KIRREL3: variants seen among roughly 807,000 people sequenced by gnomAD.
The protein encoded by KIRREL3 is kin of IRRE-like protein 3.
Under a neutral mutation model 89.7 loss-of-function variants are expected in KIRREL3, and 36 were observed. That is an observed-to-expected ratio of 0.40 (90% CI 0.31 to 0.53). KIRREL3 has a LOEUF of 0.53. KIRREL3 is among the 20% of genes least tolerant of loss of function. The pLI is 0.49. For missense variants in KIRREL3, 864 were observed against 1,056.6 expected (o/e 0.82, Z 2.53); for synonymous variants, 445 against 441.4 (o/e 1.01, Z -0.10).
intron 7 of KIRREL3, among the ~76,000 whole-genome samples, chr11:126,450,991 A>T (rs964896762): frequency 3.2e-5 from 4 of 124,938 alleles, no homozygotes; most frequent in African/African-American, 1.3e-4. Context: ...GCATGTGTCA[A>T]TGTGCATGTG....
intron 1 of KIRREL3, among the ~76,000 whole-genome samples, chr11:126,933,779 G>GAAAA (rs35968116): frequency 6.8e-6 from 1 of 146,962 alleles, no homozygotes. Context: ...CACCAAAAAG[G>GAAAA]AAAAAAAAAA....
chr11:126,720,640 G>A (rs921786951), intron 1 of KIRREL3, among the ~76,000 whole-genome samples: 5 of 152,230 alleles, frequency 3.3e-5, no homozygotes, highest in African/African-American at 1.2e-4. Flanking sequence ...CCCAAACACA[G>A]ACACTCTTGA....
chr11:126,737,608 A>G (rs1592051471), intron 1 of KIRREL3, among the ~76,000 whole-genome samples: 1 of 151,998 alleles, frequency 6.6e-6, no homozygotes, highest in Admixed American at 6.5e-5. Context: ...AAAGTGAGAG[A>G]CTCTCGAGAC....
At chr11:126,470,403 T>G (rs1956852911) in intron 5 of KIRREL3, among the ~76,000 whole-genome samples, 1 of 152,130 alleles carries the variant, frequency 6.6e-6, no homozygotes, top group Non-Finnish European at 1.5e-5. Flanking sequence ...CAGCCATCCC[T>G]CCCTCCCCCT....
At chr11:126,679,610 T>C (rs763460826) in intron 1 of KIRREL3, among the ~76,000 whole-genome samples, 43 of 152,328 alleles carry the variant, frequency 2.8e-4, no homozygotes, top group Admixed American at 9.8e-4. Flanking sequence ...ATTGTGACTT[T>C]GTAGACAGTT....
At chr11:126,869,503 T>C (rs1945036377) in intron 1 of KIRREL3, among the ~76,000 whole-genome samples, 1 of 152,302 alleles carries the variant, frequency 6.6e-6, no homozygotes, top group Non-Finnish European at 1.5e-5. Flanking sequence ...TCTTTAATAA[T>C]TGAAGAGATA....
In KIRREL3 at chr11:126,924,972, T is replaced by C. The variant is rs1238025722; in HGVS notation, c.55+75483A>G. ...TGCAGTGGAGGAGGTTGGGATAAAATTGAAAAAAAAAAAAAACAGTCCTAG... is the reference window on the plus strand; with the variant it reads ...TGCAGTGGAGGAGGTTGGGATAAAACTGAAAAAAAAAAAAAACAGTCCTAG... On this transcript the variant is annotated intron_variant, in intron 1 of 16. Transcript: ENST00000525144. The surrounding 1 kb of genome is among the most constrained non-coding windows in gnomAD (Gnocchi z 4.7). 4.5e-5 allele frequency among the ~76,000 whole-genome samples: 2 copies of C among 44,156 alleles called. No homozygotes were observed. Among genetic ancestry groups the C allele is most frequent in the African/African-American group, 2.0e-4 (1 of 5,036 alleles). 29.0% of individuals were successfully genotyped at this position (44,156 alleles called of 152,430 possible).
At chr11:126,456,057 T>TTTTTTTTTTTTTTTTTTTTC (rs147218473) in intron 7 of KIRREL3, among the ~76,000 whole-genome samples, 1 of 109,744 alleles carries the variant, frequency 9.1e-6, no homozygotes, top group African/African-American at 3.6e-5. Flanking sequence ...TTTTTTTTTT[T>TTTTTTTTTTTTTTTTTTTTC]CCTGAGCCTT....
chr11:126,921,205 C>T (rs566112032), intron 1 of KIRREL3, among the ~76,000 whole-genome samples: 1 of 152,164 alleles, frequency 6.6e-6, no homozygotes, highest in Non-Finnish European at 1.5e-5. Context: ...ACCAGGGGCT[C>T]CCCCAGATCT....
chr11:126,649,453 T>C (rs1304032718), intron 1 of KIRREL3, among the ~76,000 whole-genome samples: 17 of 152,168 alleles, frequency 1.1e-4, no homozygotes, highest in Admixed American at 1.1e-3. Context: ...ACTCCCTAGA[T>C]AAAATGAGGG....
In KIRREL3 at chr11:126,614,383, G is replaced by A. The variant is rs545465584; in HGVS notation, c.56-51471C>T. Among the ~76,000 whole-genome samples the A allele has an allele frequency of 1.2e-3, 181 of 152,160 alleles. 5 individuals are homozygous for A. The South Asian group carries it at 0.034, about 29-fold the overall frequency. ...TGGACAACTCACTTCCATTCTTTGC[G>A]CTGTTTTCTCAAGTGCAAAAGGAAA... On this transcript the variant is annotated intron_variant, in intron 1 of 16. Transcript: ENST00000525144. The surrounding 1 kb of genome is among the most constrained non-coding windows in gnomAD (Gnocchi z 4.6).
At chr11:126,465,770 G>A (rs1027163760) in intron 5 of KIRREL3, among the ~76,000 whole-genome samples, 1 of 152,180 alleles carries the variant, frequency 6.6e-6, no homozygotes, top group African/African-American at 2.4e-5. Context: ...GAGGAGTGAA[G>A]TTGAACCCCA....
In KIRREL3 at chr11:126,738,411, G is replaced by C. The variant is rs149209354; in HGVS notation, c.56-175499C>G. On this transcript the variant is annotated intron_variant, in intron 1 of 16. Coordinates refer to ENST00000525144, the MANE Select transcript of KIRREL3 (RefSeq NM_032531.4). ...GGGTTTCACAGAAGGTCCCAGGCTG[G>C]CCTCACCTGATATGCTCTGTGTGGA... Among the ~76,000 whole-genome samples the C allele has an allele frequency of 2.0e-5, 3 of 152,202 alleles. No individual in the cohort carries two copies. In the East Asian group the frequency reaches 5.8e-4, roughly 29 times the overall value.
Position 126,719,673 on chromosome 11 carries a change from C to T in KIRREL3, c.56-156761G>A, listed in dbSNP as rs138559608. Reference sequence around the variant, plus strand: ...CAATGGCAACTTATCCTTCCTTTTGCGACTTCTAAGGCCACAACCTTAGAA... The same window carrying T: ...CAATGGCAACTTATCCTTCCTTTTGTGACTTCTAAGGCCACAACCTTAGAA... On this transcript the variant is annotated intron_variant, in intron 1 of 16. Coordinates refer to ENST00000525144, the MANE Select transcript of KIRREL3 (RefSeq NM_032531.4). The surrounding 1 kb of genome is among the most constrained non-coding windows in gnomAD (Gnocchi z 4.7). Among the ~76,000 whole-genome samples the T allele has an allele frequency of 2.9e-3, 436 of 152,230 alleles. No individual in the cohort carries two copies. Among genetic ancestry groups the T allele is most frequent in the African/African-American group, 1.0e-2 (413 of 41,506 alleles).
At position 126,655,818 on chromosome 11, in the gene KIRREL3, G is replaced by A. The variant is rs1945110595; in HGVS notation, c.56-92906C>T. Among the ~76,000 whole-genome samples the A allele has an allele frequency of 6.6e-6, 1 of 152,236 alleles. No individual in the cohort carries two copies. Among genetic ancestry groups the A allele is most frequent in the Admixed American group, 6.5e-5 (1 of 15,292 alleles). ...TTCTGTCCACTCTACCAAAATGGGAGAAGCAATAGCAAGACAGCAGGGCAG... is the reference window on the plus strand; with the variant it reads ...TTCTGTCCACTCTACCAAAATGGGAAAAGCAATAGCAAGACAGCAGGGCAG... On this transcript the variant is annotated intron_variant, in intron 1 of 16. Coordinates refer to ENST00000525144, the MANE Select transcript of KIRREL3 (RefSeq NM_032531.4). This position sits in a 1 kb window ranked among gnomAD's most constrained non-coding sequence, Gnocchi z 5.0.
rs963997406 is a variant in KIRREL3, at chr11:126,987,020, G to A, written c.55+13435C>T. Among the ~76,000 whole-genome samples the A allele has an allele frequency of 6.6e-6, 1 of 152,170 alleles. No homozygotes were observed. On this transcript the variant is annotated intron_variant, in intron 1 of 16. Transcript: ENST00000525144. This position sits in a 1 kb window ranked among gnomAD's most constrained non-coding sequence, Gnocchi z 4.6. ...AAACCCTTCTGATGTAGAAGGTCTG[G>A]ACTGGGGTCCAAAAATGGGGATTTC...
At chr11:126,850,210 C>T (rs1416236738) in intron 1 of KIRREL3, among the ~76,000 whole-genome samples, 2 of 152,292 alleles carry the variant, frequency 1.3e-5, no homozygotes, top group South Asian at 4.1e-4. Context: ...GATATTTCAC[C>T]CACATGATCT....
Position 126,579,068 on chromosome 11 carries a change from C to T in KIRREL3, c.56-16156G>A, listed in dbSNP as rs147471567. The stretch of plus-strand genomic sequence containing the variant: ...AAGCCCGTGCTCTGTCCGTGTGCTG[C>T]CTCCGAGAAGCCATGGCCAAGAAAG... On this transcript the variant is annotated intron_variant, in intron 1 of 16. Transcript: ENST00000525144. This position sits in a 1 kb window ranked among gnomAD's most constrained non-coding sequence, Gnocchi z 5.3. Among the ~76,000 whole-genome samples the T allele has an allele frequency of 1.3e-5, 2 of 152,152 alleles. No homozygotes were observed. The highest frequency in any genetic ancestry group is 1.5e-5 in the Non-Finnish European group (1 of 68,010).
At chr11:126,832,503 G>A (rs1207829277) in intron 1 of KIRREL3, among the ~76,000 whole-genome samples, 1 of 152,184 alleles carries the variant, frequency 6.6e-6, no homozygotes, top group East Asian at 1.9e-4. Flanking sequence ...AAAGCTTGAA[G>A]CGGGACTGTA....
Sources: allele counts gnomAD v4.1 joint callset (sites outside exome capture counted in the v4.1 genomes callset), GRCh38; gene constraint gnomAD v4.1.1; non-coding constraint Gnocchi (gnomAD v3.1); transcripts MANE v1.5; gene names NCBI Gene and HGNC (gene_info 2026-07-23, HGNC 2026-07-21).